Variants in ADAMTSL1 observed in about 807,000 individuals in gnomAD.
ADAMTSL1 encodes ADAMTS like 1, also known as ADAMTS-like protein 1.
In ADAMTSL1, 126 loss-of-function variants were observed where a neutral mutation model predicts 201.8. That is an observed-to-expected ratio of 0.62 (90% CI 0.54 to 0.72). The LOEUF (loss-of-function observed/expected upper bound fraction) is 0.72, where lower values mean the gene tolerates loss of function less well. Ranked by LOEUF, ADAMTSL1 falls within the 30% of genes least tolerant of loss-of-function variation. The pLI, the probability that ADAMTSL1 is intolerant of heterozygous loss-of-function variation, is 0.00. For missense variants in ADAMTSL1, 2,679 were observed against 2,277.8 expected (o/e 1.18, Z -3.59); for synonymous variants, 1,121 against 903.4 (o/e 1.24, Z -4.32).
rs1276995515 is a variant in ADAMTSL1 at position 18,277,372 on chromosome 9, C to G, written c.207+113391C>G. Among the ~76,000 whole-genome samples the G allele has an allele frequency of 3.3e-5, 5 of 152,028 alleles. No individual in the cohort carries two copies. In the East Asian group the frequency reaches 9.6e-4, roughly 29 times the overall value. ...TCCCCTATTAATATTGTATTGCTGTCTATTTCTCCCTTCAGTTCTGTTAAT... is the reference window on the plus strand; with the variant it reads ...TCCCCTATTAATATTGTATTGCTGTGTATTTCTCCCTTCAGTTCTGTTAAT... On this transcript the variant is annotated intron_variant, in intron 2 of 29. Transcript: ENST00000680146.
At chr9:17,915,819 G>C (rs7021798) in intron 1 of ADAMTSL1, among the ~76,000 whole-genome samples, 140,378 of 152,270 alleles carry the variant, frequency 0.92, 65,495 homozygotes, top group East Asian at 1. Context: ...GTTTTCATAC[G>C]TTTAGAATCC....
chr9:18,173,375 T>C (rs1827992767), intron 2 of ADAMTSL1, among the ~76,000 whole-genome samples: 1 of 152,146 alleles, frequency 6.6e-6, no homozygotes, highest in Non-Finnish European at 1.5e-5. Context: ...GGGCCTCCTA[T>C]GAGTTCATGA....
At chr9:18,229,665 T>C (rs1294113718) in intron 2 of ADAMTSL1, among the ~76,000 whole-genome samples, 1 of 152,016 alleles carries the variant, frequency 6.6e-6, no homozygotes, top group African/African-American at 2.4e-5. Flanking sequence ...TAATTTGATA[T>C]GATTCTTTGA....
chr9:18,854,276 G>C (rs1345004800), intron 23 of ADAMTSL1, among the ~76,000 whole-genome samples: 1 of 152,034 alleles, frequency 6.6e-6, no homozygotes, highest in Non-Finnish European at 1.5e-5. Flanking sequence ...TTATTGCCCA[G>C]TGGTATTGGC....
Position 18,782,100 on chromosome 9 carries a change from A to G in ADAMTSL1, c.3677+4194A>G, listed in dbSNP as rs552185187. 2.0e-5 allele frequency among the ~76,000 whole-genome samples: 3 copies of G among 152,264 alleles called. No individual in the cohort carries two copies. The East Asian group carries it at 5.8e-4, about 29-fold the overall frequency. ...ACTTCCTTTTTCCTTTATTCTGCAA[A>G]CAATCTCATGCCTACTCTAAGCCAG... is the stretch of plus-strand genomic sequence containing the variant. On this transcript the variant is annotated intron_variant, in intron 19 of 28. Transcript: ENST00000380548.
Position 18,275,386 on chromosome 9 carries a change from T to G in ADAMTSL1, c.207+111405T>G, listed in dbSNP as rs553258122. ...TATATACAATAAAATTAGCCCATTTTAAGTGTACAGTTCTATGAGTTTTGG... is the reference window on the plus strand; with the variant it reads ...TATATACAATAAAATTAGCCCATTTGAAGTGTACAGTTCTATGAGTTTTGG... On this transcript the variant is annotated intron_variant, in intron 2 of 29. Coordinates refer to the ADAMTSL1 transcript ENST00000680146. 2.6e-5 allele frequency among the ~76,000 whole-genome samples: 4 copies of G among 152,308 alleles called. No individual in the cohort carries two copies. In the South Asian group the frequency reaches 8.3e-4, roughly 32 times the overall value.
At chr9:18,867,261 C>T (rs186689577) in intron 23 of ADAMTSL1, among the ~76,000 whole-genome samples, 1 of 152,172 alleles carries the variant, frequency 6.6e-6, no homozygotes, top group Non-Finnish European at 1.5e-5. Context: ...TGAAAGTGAA[C>T]CTACCAGCAG....
In ADAMTSL1 at chr9:18,777,500, G is replaced by A. The variant is rs1221188647; in HGVS notation, c.3271G>A (p.Glu1091Lys). The part of the protein sequence containing the change: ...ILGNLSQQPE[E>K]LRDLYSKHLV... ...GGGGAACCTCTCCCAGCAGCCCGAG[G>A]AGCTGCGCGACCTCTACAGCAAGCA... The change falls in exon 19 of 29, where the codon GAG becomes AAG. Residue 1091 changes from glutamate to lysine, a missense_variant. Glu to Lys is a moderately conservative substitution (Grantham distance 56). Coordinates refer to ENST00000380548, the MANE Select transcript of ADAMTSL1 (RefSeq NM_001040272.6). 3 of 1,595,970 alleles carry A rather than the reference G, an allele frequency of 1.9e-6. No homozygotes were observed. Among genetic ancestry groups the A allele is most frequent in the South Asian group, 2.3e-5 (2 of 88,192 alleles).
chr9:18,664,285 A>G (rs1284948957), intron 9 of ADAMTSL1, among the ~76,000 whole-genome samples: 7 of 152,090 alleles, frequency 4.6e-5, no homozygotes, highest in Non-Finnish European at 8.8e-5. Context: ...TTCTAAGAGA[A>G]AATGAGAAGT....
chr9:18,354,697 G>A (rs547498984), intron 2 of ADAMTSL1, among the ~76,000 whole-genome samples: 1 of 152,304 alleles, frequency 6.6e-6, no homozygotes, highest in South Asian at 2.1e-4. Flanking sequence ...GTCAGGCGTG[G>A]TGGCTCACAC....
At chr9:18,639,494 G>C in intron 7 of ADAMTSL1, 83 bp downstream of exon 7, 5 of 1,510,550 alleles carry the variant, frequency 3.3e-6, no homozygotes, top group Non-Finnish European at 3.6e-6. Flanking sequence ...AGCGATTTTT[G>C]GTTCTGACAT....
chr9:18,751,659 A>G (rs1472030712), intron 15 of ADAMTSL1, among the ~76,000 whole-genome samples: 2 of 152,234 alleles, frequency 1.3e-5, no homozygotes, highest in Non-Finnish European at 2.9e-5. Context: ...ATCAGGAGGT[A>G]TACACTCTAG....
intron 1 of ADAMTSL1, among the ~76,000 whole-genome samples, chr9:18,503,930 T>C (rs187537320): frequency 3.3e-5 from 5 of 152,216 alleles, no homozygotes; most frequent in Non-Finnish European, 7.4e-5. Context: ...GCACTAGTTC[T>C]AGGTGGGCTA....
chr9:18,126,908 A>T (rs985085417), intron 1 of ADAMTSL1, among the ~76,000 whole-genome samples: 1 of 152,162 alleles, frequency 6.6e-6, no homozygotes, highest in African/African-American at 2.4e-5. Context: ...TTCCTACACA[A>T]CATTTTTTAG....
At chr9:18,065,097 C>A (rs1346414030) in intron 1 of ADAMTSL1, among the ~76,000 whole-genome samples, 1 of 150,198 alleles carries the variant, frequency 6.7e-6, no homozygotes, top group Non-Finnish European at 1.5e-5. Flanking sequence ...CTTCAAACTT[C>A]CAAGGGCTTC....
chr9:18,546,592 G>T (rs1366903424), intron 3 of ADAMTSL1, among the ~76,000 whole-genome samples: 1 of 151,932 alleles, frequency 6.6e-6, no homozygotes, highest in African/African-American at 2.4e-5. Flanking sequence ...TTAAAAGAAA[G>T]ATATCACTGT....
intron 23 of ADAMTSL1, among the ~76,000 whole-genome samples, chr9:18,841,222 A>G (rs1825696961): frequency 6.6e-6 from 1 of 152,052 alleles, no homozygotes; most frequent in Non-Finnish European, 1.5e-5. Flanking sequence ...TTAATACCTA[A>G]TTTATTGAGA....
At chr9:18,905,753 G>A (rs1830268223) in intron 26 of ADAMTSL1, 29 bp from the exon 27 acceptor site, 1 of 1,582,492 alleles carries the variant, frequency 6.3e-7, no homozygotes, top group African/African-American at 1.3e-5. Flanking sequence ...TGGCTAATGT[G>A]CGGTATGTTA....
At chr9:18,590,436 T>C (rs1823833630) in intron 4 of ADAMTSL1, among the ~76,000 whole-genome samples, 1 of 151,958 alleles carries the variant, frequency 6.6e-6, no homozygotes, top group African/African-American at 2.4e-5. Flanking sequence ...TAATGGTTTG[T>C]TGATGTTGTT....
Sources: gnomAD v4.1 joint callset for allele counts (sites outside exome capture counted in the v4.1 genomes callset) on GRCh38, gnomAD v4.1.1 for gene constraint, MANE v1.5 for transcripts, NCBI Gene and HGNC (gene_info 2026-07-23, HGNC 2026-07-21) for gene names.